Variants in ARHGAP20 observed in about 807,000 individuals in gnomAD.
ARHGAP20 encodes Rho GTPase activating protein 20, also known as rho GTPase-activating protein 20.
A neutral mutation model predicts 73.7 loss-of-function variants in ARHGAP20; 34 were observed. The observed-to-expected ratio is 0.46, with a 90% confidence interval of 0.35 to 0.61. The LOEUF (loss-of-function observed/expected upper bound fraction) is 0.61. ARHGAP20 is among the 20% of genes least tolerant of loss of function. The probability of loss-of-function intolerance (pLI) is 0.00; values close to 1 mark genes in which losing one functional copy is unlikely to be tolerated. For missense variants in ARHGAP20, 1,314 were observed against 1,420.9 expected (o/e 0.92, Z 1.21); for synonymous variants, 523 against 518.2 (o/e 1.01, Z -0.13).
intron 11 of ARHGAP20, 78 bp downstream of exon 11, chr11:110,590,570 T>C (rs1947800002): frequency 7.3e-7 from 1 of 1,378,462 alleles, no homozygotes; most frequent in Middle Eastern, 2.6e-4. Context: ...ATAGAAATAA[T>C]GTTCATAATG....
intron 2 of ARHGAP20, among the ~76,000 whole-genome samples, chr11:110,670,072 C>T (rs541529172): frequency 3.7e-4 from 56 of 152,042 alleles, no homozygotes; most frequent in African/African-American, 1.3e-3. Context: ...TTGGCAGTAT[C>T]AAGGAAGGAT....
chr11:110,618,524 T>C (rs1256195933), intron 4 of ARHGAP20, among the ~76,000 whole-genome samples: 1 of 152,250 alleles, frequency 6.6e-6, no homozygotes, highest in Non-Finnish European at 1.5e-5. Context: ...AGCACCTATT[T>C]TTCTGGTGAA....
chr11:110,604,264 T>C (rs994481533), intron 9 of ARHGAP20, among the ~76,000 whole-genome samples: 3 of 152,160 alleles, frequency 2.0e-5, no homozygotes, highest in Admixed American at 2.0e-4. Context: ...ACCTGTAATT[T>C]TTTACACAGG....
intron 2 of ARHGAP20, among the ~76,000 whole-genome samples, chr11:110,650,046 G>A (rs1949314782): frequency 6.6e-6 from 1 of 152,094 alleles, no homozygotes; most frequent in African/African-American, 2.4e-5. Context: ...CCTGGTATAT[G>A]AGCAGTATCT....
intron 2 of ARHGAP20, among the ~76,000 whole-genome samples, chr11:110,670,733 A>G (rs1002405804): frequency 6.6e-6 from 1 of 152,090 alleles, no homozygotes; most frequent in African/African-American, 2.4e-5. Context: ...ATAATACAGG[A>G]AAACTACAGA....
At chr11:110,709,606 T>C (rs1591199724) in intron 1 of ARHGAP20, among the ~76,000 whole-genome samples, 2 of 152,274 alleles carry the variant, frequency 1.3e-5, no homozygotes, top group African/African-American at 2.4e-5. Context: ...AAGTCAGGAC[T>C]GCAAAGACCT....
intron 1 of ARHGAP20, among the ~76,000 whole-genome samples, chr11:110,692,023 C>A (rs973653985): frequency 6.6e-6 from 1 of 152,038 alleles, no homozygotes; most frequent in African/African-American, 2.4e-5. Context: ...AGAAACAGCC[C>A]GGAGTTATCA....
At chr11:110,647,827 T>C (rs1174394935) in intron 2 of ARHGAP20, among the ~76,000 whole-genome samples, 1 of 152,026 alleles carries the variant, frequency 6.6e-6, no homozygotes, top group Non-Finnish European at 1.5e-5. Context: ...ATAACTAGAA[T>C]AGGCATTCTC....
At position 110,630,781 on chromosome 11, in the gene ARHGAP20, G is replaced by C; in HGVS notation, c.200C>G (p.Ser67Cys). ...AAATGTGCATGTGTCAACACTAGCA[G>C]AAGGACTGTCCCTGTAACAGATCAA... ...QKRPTTRDSP[S>C]ASVDTCTFLS... Residue 67 changes from serine (S) to cysteine (C), a missense_variant, in exon 3 of 15, where the codon TCT becomes TGT. Transcript: ENST00000683387. 1 of 1,613,920 alleles carries C rather than the reference G, an allele frequency of 6.2e-7. No homozygotes were observed. Among genetic ancestry groups the C allele is most frequent in the Non-Finnish European group, 8.5e-7 (1 of 1,179,886 alleles).
At chr11:110,637,771 G>A (rs1948998491) in intron 2 of ARHGAP20, among the ~76,000 whole-genome samples, 1 of 152,032 alleles carries the variant, frequency 6.6e-6, no homozygotes, top group Non-Finnish European at 1.5e-5. Flanking sequence ...GCAAAAACAG[G>A]AGACCCTATC....
intron 2 of ARHGAP20, among the ~76,000 whole-genome samples, chr11:110,631,991 T>C (rs540174729): frequency 1.6e-3 from 244 of 152,356 alleles, no homozygotes; most frequent in African/African-American, 5.7e-3. Context: ...CATCATATTT[T>C]TGGAATTCAT....
Position 110,578,291 on chromosome 11 carries a change from A to G in ARHGAP20, c.*1079T>C. 3 of 985,462 alleles carry G rather than the reference A, an allele frequency of 3.0e-6. No homozygotes were observed. Among genetic ancestry groups the G allele is most frequent in the Non-Finnish European group, 3.6e-6 (3 of 829,936 alleles). 61.0% of individuals were successfully genotyped at this position (985,462 alleles called of 1,614,324 possible). A position where few individuals can be genotyped will look rare whatever the true frequency, so the allele number is the denominator to read the frequency against. ...AGGCCTGGCAGCCACTTTGTTGGGT[A>G]TTCTATTGTGGGACTCCTTATAACC... On this transcript the variant is annotated 3_prime_UTR_variant, in exon 15 of 15. Transcript: ENST00000683387.
At chr11:110,583,963 A>T (rs1297305309) in intron 12 of ARHGAP20, among the ~76,000 whole-genome samples, 1 of 152,180 alleles carries the variant, frequency 6.6e-6, no homozygotes, top group African/African-American at 2.4e-5. Flanking sequence ...TCACATCTCA[A>T]AGAAAATGTA....
chr11:110,648,172 A>AAT (rs201393164), intron 2 of ARHGAP20, among the ~76,000 whole-genome samples: 3,124 of 91,512 alleles, frequency 0.034, 73 homozygotes, highest in African/African-American at 0.075. Context: ...TATATATGTA[A>AAT]ATATATATAT....
chr11:110,615,469 T>C (rs992086523), intron 5 of ARHGAP20, 84 bp downstream of exon 5: 5 of 1,290,762 alleles, frequency 3.9e-6, no homozygotes, highest in African/African-American at 1.5e-5. Context: ...AGAAGGGGAA[T>C]AATTTGGGGC....
intron 2 of ARHGAP20, among the ~76,000 whole-genome samples, chr11:110,674,628 C>A (rs1022594802): frequency 6.6e-6 from 1 of 151,900 alleles, no homozygotes; most frequent in Non-Finnish European, 1.5e-5. Context: ...CAAGATTTCT[C>A]ATTATATATA....
At chr11:110,665,727 G>A (rs1949710742) in intron 2 of ARHGAP20, among the ~76,000 whole-genome samples, 1 of 152,130 alleles carries the variant, frequency 6.6e-6, no homozygotes. Flanking sequence ...TCTGAGAACT[G>A]ATCAGTGCAT....
At chr11:110,595,518 AATC>A (rs1438773129) in intron 9 of ARHGAP20, among the ~76,000 whole-genome samples, 1 of 152,238 alleles carries the variant, frequency 6.6e-6, no homozygotes, top group African/African-American at 2.4e-5. Flanking sequence ...CGGAGAGCCA[AATC>A]ATGAGTGAAC....
chr11:110,596,387 C>T (rs75745463), intron 9 of ARHGAP20, among the ~76,000 whole-genome samples: 29,239 of 147,876 alleles, frequency 0.2, 3,757 homozygotes, highest in African/African-American at 0.36. Flanking sequence ...ATTTTTGCAA[C>T]CTACTCATCT....
Sources: allele counts gnomAD v4.1 joint callset (sites outside exome capture counted in the v4.1 genomes callset), GRCh38; gene constraint gnomAD v4.1.1; transcripts MANE v1.5; gene names NCBI Gene and HGNC (gene_info 2026-07-23, HGNC 2026-07-21).